The following CADPS2 variants were observed in gnomAD, a reference collection of about 807,000 sequenced individuals.
CADPS2 encodes the protein calcium-dependent secretion activator 2.
In CADPS2, 93 loss-of-function variants were observed where a neutral mutation model predicts 172.5. That is an observed-to-expected ratio of 0.54 (90% CI 0.46 to 0.64). The LOEUF is 0.64. CADPS2 is among the 30% of genes least tolerant of loss of function. The pLI, the probability that CADPS2 is intolerant of heterozygous loss-of-function variation, is 0.00. For missense variants in CADPS2, 1,420 were observed against 1,565.9 expected (o/e 0.91, Z 1.57); for synonymous variants, 546 against 555.2 (o/e 0.98, Z 0.23).
intron 1 of CADPS2, among the ~76,000 whole-genome samples, chr7:122,800,032 C>A (rs1215001985): frequency 1.3e-5 from 2 of 152,200 alleles, no homozygotes; most frequent in Non-Finnish European, 2.9e-5. Flanking sequence ...AAAACCACAT[C>A]ATATGCAAAC....
intron 2 of CADPS2, among the ~76,000 whole-genome samples, chr7:122,730,394 C>T (rs1282973715): frequency 6.6e-6 from 1 of 151,696 alleles, no homozygotes; most frequent in East Asian, 1.9e-4. Flanking sequence ...GTATAAATAA[C>T]CTAAACAGTG....
At chr7:122,742,879 TA>T (rs1332540810) in intron 1 of CADPS2, among the ~76,000 whole-genome samples, 2 of 152,182 alleles carry the variant, frequency 1.3e-5, no homozygotes, top group Non-Finnish European at 2.9e-5. Flanking sequence ...CAGGTCGTTT[TA>T]AAAATATTCA....
chr7:122,593,364 G>A (rs946682834), intron 6 of CADPS2, among the ~76,000 whole-genome samples: 20 of 151,946 alleles, frequency 1.3e-4, no homozygotes, highest in Admixed American at 7.9e-4. Context: ...CTGAGCCCTC[G>A]CCCACAGCCG....
chr7:122,336,012 A>G (rs1180157359), intron 28 of CADPS2, among the ~76,000 whole-genome samples: 2 of 152,224 alleles, frequency 1.3e-5, no homozygotes, highest in Non-Finnish European at 2.9e-5. Context: ...TGTCCATATT[A>G]AGACAGCAAA....
At chr7:122,586,385 A>T (rs2069693541) in intron 6 of CADPS2, among the ~76,000 whole-genome samples, 1 of 151,976 alleles carries the variant, frequency 6.6e-6, no homozygotes. Flanking sequence ...CTAGAGCACT[A>T]GATATAACTT....
intron 24 of CADPS2, among the ~76,000 whole-genome samples, chr7:122,385,576 A>G (rs2043538213): frequency 6.6e-6 from 1 of 152,040 alleles, no homozygotes; most frequent in South Asian, 2.1e-4. Flanking sequence ...TCACGACAAA[A>G]AAAAAAGTAT....
chr7:122,338,889 T>C (rs901768273), intron 28 of CADPS2: 2 of 152,104 alleles, frequency 1.3e-5, no homozygotes, highest in Non-Finnish European at 1.5e-5. Context: ...GCCTCCGAAG[T>C]AGCTAGGACT....
chr7:122,658,943 T>C (rs1336893239), intron 3 of CADPS2, among the ~76,000 whole-genome samples: 1 of 152,038 alleles, frequency 6.6e-6, no homozygotes, highest in Non-Finnish European at 1.5e-5. Context: ...CTCGTACTTA[T>C]GGCTACAAGA....
At chr7:122,768,589 T>C (rs2093622584) in intron 1 of CADPS2, among the ~76,000 whole-genome samples, 1 of 152,012 alleles carries the variant, frequency 6.6e-6, no homozygotes, top group Non-Finnish European at 1.5e-5. Flanking sequence ...GAAAACAAAA[T>C]GCCTAAAAAG....
At chr7:122,767,596 T>C (rs2093593228) in intron 1 of CADPS2, among the ~76,000 whole-genome samples, 1 of 152,112 alleles carries the variant, frequency 6.6e-6, no homozygotes, top group Non-Finnish European at 1.5e-5. Context: ...AAGGCCCTAA[T>C]TCTGCTCAGC....
At chr7:122,790,282 C>T (rs890738189) in intron 1 of CADPS2, among the ~76,000 whole-genome samples, 2 of 151,302 alleles carry the variant, frequency 1.3e-5, no homozygotes, top group African/African-American at 4.9e-5. Flanking sequence ...GCTTGTATTC[C>T]TAGCTACTCA....
At chr7:122,883,078 C>CA (rs1351200815) in intron 1 of CADPS2, among the ~76,000 whole-genome samples, 1 of 152,094 alleles carries the variant, frequency 6.6e-6, no homozygotes, top group Non-Finnish European at 1.5e-5. Context: ...TAGACAAAAG[C>CA]AAAGAAATTC....
chr7:122,368,477 T>C (rs975668983), intron 25 of CADPS2, among the ~76,000 whole-genome samples: 1 of 152,170 alleles, frequency 6.6e-6, no homozygotes, highest in Non-Finnish European at 1.5e-5. Context: ...TGTGTGGCCT[T>C]GGGCCTCTGT....
chr7:122,786,918 T>C (rs1794180975), intron 1 of CADPS2, among the ~76,000 whole-genome samples: 1 of 152,142 alleles, frequency 6.6e-6, no homozygotes, highest in South Asian at 2.1e-4. Flanking sequence ...GAAACCAGGT[T>C]CCATGAGAAC....
At chr7:122,329,356 T>C (rs1330276945) in intron 28 of CADPS2, among the ~76,000 whole-genome samples, 6 of 152,120 alleles carry the variant, frequency 3.9e-5, no homozygotes, top group Non-Finnish European at 5.9e-5. Context: ...TCCTAAATAG[T>C]GCAGCTGAGC....
chr7:122,868,737 T>C lies in CADPS2; in HGVS notation c.339+17262A>G, dbSNP rs186978596. 2.2e-3 allele frequency among the ~76,000 whole-genome samples: 342 copies of C among 152,338 alleles called. 3 individuals carry two copies. The highest frequency in any genetic ancestry group is 8.1e-3 in the African/African-American group (335 of 41,572). Reference sequence around the variant, plus strand: ...ATACATCTCCTGAAGCTTATGCTAATGAATGGAGATATGTTTCTGACCAGA... The same window carrying C: ...ATACATCTCCTGAAGCTTATGCTAACGAATGGAGATATGTTTCTGACCAGA... On this transcript the variant is annotated intron_variant, in intron 1 of 29. Coordinates refer to ENST00000449022, the MANE Select transcript of CADPS2 (RefSeq NM_017954.11).
At chr7:122,619,226 T>A (rs117885400) in intron 5 of CADPS2, among the ~76,000 whole-genome samples, 1 of 152,152 alleles carries the variant, frequency 6.6e-6, no homozygotes, top group African/African-American at 2.4e-5. Flanking sequence ...AGAGAAAAGA[T>A]AAAATGTTCT....
Position 122,319,648 on chromosome 7 carries a change from A to G in CADPS2, c.*517T>C, listed in dbSNP as rs1222917959. On this transcript the variant is annotated 3_prime_UTR_variant, in exon 30 of 30. Transcript: ENST00000449022. ...ACTAAGAACCAAGATTAAAGATTTT[A>G]TACACATCACAATAATAGCAAATTA... 6.6e-6 allele frequency: 1 copy of G among 152,342 alleles called. No individual in the cohort carries two copies. The highest frequency in any genetic ancestry group is 1.9e-4 in the East Asian group (1 of 5,198). The allele number at this position is 152,342 out of a possible 1,614,324, so 9.4% of individuals were successfully genotyped here. A position where few individuals can be genotyped will look rare whatever the true frequency, so the allele number is the denominator to read the frequency against.
At chr7:122,590,686 T>C (rs553236696) in intron 6 of CADPS2, among the ~76,000 whole-genome samples, 7 of 151,754 alleles carry the variant, frequency 4.6e-5, no homozygotes, top group Non-Finnish European at 1.0e-4. Flanking sequence ...AAAAATGTCA[T>C]CCTAACAGAT....
Sources: allele counts gnomAD v4.1 joint callset (sites outside exome capture counted in the v4.1 genomes callset), GRCh38; gene constraint gnomAD v4.1.1; transcripts MANE v1.5; gene names NCBI Gene and HGNC (gene_info 2026-07-23, HGNC 2026-07-21).